Variants in TMEM62 observed in about 807,000 individuals in gnomAD.
TMEM62 encodes transmembrane protein 62.
In TMEM62, 41 loss-of-function variants were observed where a neutral mutation model predicts 70.4. The observed-to-expected ratio is 0.58, with a 90% CI of 0.45 to 0.76. The LOEUF (loss-of-function observed/expected upper bound fraction) is 0.76, where lower values mean the gene tolerates loss of function less well. Among genes scored for constraint, TMEM62 ranks in the 30% least tolerant of loss-of-function variants. The pLI is 0.00. For synonymous variants in TMEM62, 268 were observed against 291.0 expected, an observed-to-expected ratio of 0.92 and a Z score of 0.80; for missense variants, 688 against 788.5, an observed-to-expected ratio of 0.87 and a Z score of 1.53.
chr15:43,151,757 G>A, intron 7 of TMEM62, 33 bp from the exon 8 acceptor site: 2 of 1,601,966 alleles, frequency 1.2e-6, no homozygotes, highest in Non-Finnish European at 8.5e-7. Flanking sequence ...AATGTGAAGT[G>A]ACTAAATTAC....
In TMEM62 at chr15:43,183,645, G is replaced by T. The variant is rs558820303; in HGVS notation, c.1606-615G>T. Among the ~76,000 whole-genome samples the T allele has an allele frequency of 2.0e-5, 3 of 151,208 alleles. No individual in the cohort carries two copies. The East Asian group carries it at 5.8e-4, about 29-fold the overall frequency. Reference sequence around the variant, plus strand: ...ATCACGATCTGTAATTATATTTTTTGGTTTTTTTTTTTGTCTGTCTTCTCC... The same window carrying T: ...ATCACGATCTGTAATTATATTTTTTTGTTTTTTTTTTTGTCTGTCTTCTCC... On this transcript the variant is annotated intron_variant, in intron 13 of 13. Transcript: ENST00000260403.
chr15:43,181,337 C>A, intron 13 of TMEM62, 38 bp downstream of exon 13: 1 of 1,296,866 alleles, frequency 7.7e-7, no homozygotes. Flanking sequence ...ACATCTTGGA[C>A]TTGTCAGACT....
In TMEM62 at chr15:43,149,123, G is replaced by C. The variant is rs2037049396; in HGVS notation, c.838G>C (p.Glu280Gln). Residue 280 changes from glutamate to glutamine, a missense_variant, in exon 7 of 14, where the codon GAG becomes CAG. Coordinates refer to ENST00000260403, the MANE Select transcript of TMEM62 (RefSeq NM_024956.4). ...TRHFQGTLEL[E>Q]VGDWKDNRRY... ...TCACTTCCAGGGCACTTTGGAACTTGAGGTGGGAGACTGGAAGGATAATAG... is the reference window on the plus strand; with the variant it reads ...TCACTTCCAGGGCACTTTGGAACTTCAGGTGGGAGACTGGAAGGATAATAG... The C allele has an allele frequency of 6.2e-7, 1 of 1,614,118 alleles. No homozygotes were observed. Among genetic ancestry groups the C allele is most frequent in the Non-Finnish European group, 8.5e-7 (1 of 1,180,016 alleles).
At chr15:43,138,978 GGCATACCTC>G (rs2035625209) in intron 4 of TMEM62, among the ~76,000 whole-genome samples, 1 of 151,958 alleles carries the variant, frequency 6.6e-6, no homozygotes, top group Non-Finnish European at 1.5e-5. Flanking sequence ...TTCATATACA[GGCATACCTC>G]GTTTTATTAT....
intron 13 of TMEM62, 86 bp from the exon 14 acceptor site, chr15:43,184,174 T>C: frequency 1.7e-6 from 2 of 1,176,760 alleles, no homozygotes; most frequent in Non-Finnish European, 2.4e-6. Context: ...GATAGCAGCA[T>C]AGTCTTAGGA....
At chr15:43,171,614 C>CTTTTTTTTTTT (rs751979920) in intron 11 of TMEM62, among the ~76,000 whole-genome samples, 12 of 114,990 alleles carry the variant, frequency 1.0e-4, no homozygotes, top group African/African-American at 2.3e-4. Flanking sequence ...TTAATAAAAA[C>CTTTTTTTTTTT]TTTTTTTTTT....
chr15:43,179,373 T>C (rs1012542832), intron 12 of TMEM62, among the ~76,000 whole-genome samples: 1 of 152,230 alleles, frequency 6.6e-6, no homozygotes, highest in Non-Finnish European at 1.5e-5. Context: ...TTCAGGCATA[T>C]CTGCACTCTT....
rs2035111132 is a variant in TMEM62 at position 43,135,648 on chromosome 15, T to C, written c.429T>C (p.His143=). ...AGTGGCTGGATATCAAAGGAAATCA[T>C]GGTAAGAGCCAAGAGCCAGATACAA... ...KTKWLDIKGN[H]DAFNIPSLDS... The change falls in exon 3 of 14, where the codon CAT becomes CAC. Residue 143 remains histidine, a splice_region_variant and synonymous_variant. Coordinates refer to ENST00000260403, the MANE Select transcript of TMEM62 (RefSeq NM_024956.4). The C allele has an allele frequency of 6.3e-7, 1 of 1,591,452 alleles. No individual in the cohort carries two copies. The highest frequency in any genetic ancestry group is 1.2e-5 in the South Asian group (1 of 86,216).
At chr15:43,148,524 T>C (rs1446165927) in intron 5 of TMEM62, among the ~76,000 whole-genome samples, 1 of 152,222 alleles carries the variant, frequency 6.6e-6, no homozygotes, top group East Asian at 1.9e-4. Context: ...TAAAAGAGGA[T>C]AATACCTACC....
At chr15:43,151,194 A>T (rs2042742) in intron 7 of TMEM62, among the ~76,000 whole-genome samples, 2 of 151,950 alleles carry the variant, frequency 1.3e-5, no homozygotes, top group South Asian at 4.1e-4. Flanking sequence ...AAAAATAGCC[A>T]GGTGTGGTGG....
intron 10 of TMEM62, among the ~76,000 whole-genome samples, chr15:43,166,171 C>A (rs530484610): frequency 6.6e-6 from 1 of 152,380 alleles, no homozygotes; most frequent in South Asian, 2.1e-4. Flanking sequence ...GCAACTCTTG[C>A]AGCCTTACGT....
intron 6 of TMEM62, 29 bp downstream of exon 6, chr15:43,148,908 A>G (rs1187536077): frequency 6.2e-7 from 1 of 1,603,112 alleles, no homozygotes; most frequent in Non-Finnish European, 8.5e-7. Context: ...ATCAGAATTA[A>G]TTTGTTTTTA....
chr15:43,134,479 C>A, intron 2 of TMEM62, 111 bp downstream of exon 2: 1 of 784,912 alleles, frequency 1.3e-6, no homozygotes, highest in Admixed American at 2.1e-5. Context: ...AGCCACAGCC[C>A]CAGGTGAGCT....
intron 10 of TMEM62, among the ~76,000 whole-genome samples, chr15:43,167,159 G>A (rs1220759422): frequency 2.6e-5 from 4 of 151,382 alleles, no homozygotes; most frequent in Non-Finnish European, 3.0e-5. Flanking sequence ...CTGGCCAGGC[G>A]GGGGGCTGAC....
intron 11 of TMEM62, among the ~76,000 whole-genome samples, chr15:43,178,354 TTATGA>T (rs2040989201): frequency 6.6e-6 from 1 of 152,146 alleles, no homozygotes; most frequent in African/African-American, 2.4e-5. Context: ...ATTATGTATC[TTATGA>T]TATATATAAA....
intron 11 of TMEM62, among the ~76,000 whole-genome samples, chr15:43,177,963 A>G (rs953983276): frequency 5.3e-5 from 8 of 151,938 alleles, no homozygotes; most frequent in African/African-American, 1.9e-4. Flanking sequence ...TAACCTGCAC[A>G]TTGTGCACAT....
chr15:43,178,774 T>A, intron 12 of TMEM62, 63 bp downstream of exon 12: 1 of 956,550 alleles, frequency 1.0e-6, no homozygotes, highest in Non-Finnish European at 1.6e-6. Flanking sequence ...ATTTTGACAA[T>A]AGAATTAGAC....
intron 11 of TMEM62, among the ~76,000 whole-genome samples, chr15:43,171,784 C>T (rs188604589): frequency 1.5e-3 from 231 of 151,730 alleles, no homozygotes; most frequent in African/African-American, 5.4e-3. Flanking sequence ...CCCACCACCA[C>T]GCCTGGCTAA....
At chr15:43,172,222 CTTAAT>C (rs1425893233) in intron 11 of TMEM62, among the ~76,000 whole-genome samples, 13 of 152,126 alleles carry the variant, frequency 8.5e-5, no homozygotes, top group African/African-American at 2.7e-4. Context: ...GTATCTATTA[CTTAAT>C]TTAATATAAT....
Sources: gnomAD v4.1 joint callset for allele counts (sites outside exome capture counted in the v4.1 genomes callset) on GRCh38, gnomAD v4.1.1 for gene constraint, MANE v1.5 for transcripts, NCBI Gene and HGNC (gene_info 2026-07-23, HGNC 2026-07-21) for gene names.